Variants in SYNE2 observed in about 807,000 individuals in gnomAD.
The protein encoded by SYNE2 is spectrin repeat containing nuclear envelope protein 2.
Under a neutral mutation model 856.3 loss-of-function variants are expected in SYNE2, and 431 were observed. That is an observed-to-expected ratio of 0.50 (90% CI 0.47 to 0.55). SYNE2 has a LOEUF of 0.55. SYNE2 is among the 20% of genes least tolerant of loss of function. The probability of loss-of-function intolerance (pLI) is 0.00; values close to 1 mark genes in which losing one functional copy is unlikely to be tolerated. For synonymous variants in SYNE2, 2,923 were observed against 2,872.3 expected (o/e 1.02, Z -0.56); for missense variants, 8,129 against 8,023.2 (o/e 1.01, Z -0.50).
intron 65 of SYNE2, among the ~76,000 whole-genome samples, chr14:64,111,428 G>C (rs1213305047): frequency 6.6e-6 from 1 of 152,100 alleles, no homozygotes; most frequent in Non-Finnish European, 1.5e-5. Flanking sequence ...CTGAAAACTA[G>C]AAGGGAATTA....
At chr14:63,957,802 A>G (rs2096259547) in intron 8 of SYNE2, among the ~76,000 whole-genome samples, 1 of 151,996 alleles carries the variant, frequency 6.6e-6, no homozygotes, top group Non-Finnish European at 1.5e-5. Context: ...TGTCATGGTG[A>G]AGTTACTCTT....
At chr14:63,982,204 C>T (rs968785652) in intron 16 of SYNE2, among the ~76,000 whole-genome samples, 3 of 151,924 alleles carry the variant, frequency 2.0e-5, no homozygotes, top group Non-Finnish European at 2.9e-5. Flanking sequence ...AGGGACTCTC[C>T]GAAAAAATTA....
chr14:64,016,977 T>G (rs1289294976), intron 33 of SYNE2, among the ~76,000 whole-genome samples: 1 of 152,158 alleles, frequency 6.6e-6, no homozygotes, highest in Non-Finnish European at 1.5e-5. Flanking sequence ...TCATCTGCAT[T>G]ATATTTTCAT....
In SYNE2 at chr14:64,102,052, G is replaced by A; in HGVS notation, c.12492+10G>A. 6.3e-7 allele frequency: 1 copy of A among 1,597,292 alleles called. No homozygotes were observed. Among genetic ancestry groups the A allele is most frequent in the Non-Finnish European group, 8.6e-7 (1 of 1,164,788 alleles). On this transcript the variant is annotated intron_variant, in intron 64 of 115. Transcript: ENST00000555002. The stretch of plus-strand genomic sequence containing the variant: ...TGGAACAATTGTTCAGGTAATGCTG[G>A]GCGTATCAGCCACGCTTAGGGGTTA...
At chr14:63,874,276 A>G (rs1158118878) in intron 1 of SYNE2, among the ~76,000 whole-genome samples, 3 of 152,162 alleles carry the variant, frequency 2.0e-5, no homozygotes, top group Admixed American at 2.0e-4. Context: ...TACTTTTGGT[A>G]CTGGAGGTTG....
intron 8 of SYNE2, among the ~76,000 whole-genome samples, chr14:63,959,705 T>G (rs1198494662): frequency 6.6e-6 from 1 of 152,158 alleles, no homozygotes; most frequent in Admixed American, 6.5e-5. Context: ...CTTCCTTTTT[T>G]ACCTTCTTTT....
intron 1 of SYNE2, among the ~76,000 whole-genome samples, chr14:63,833,021 G>A (rs1320553188): frequency 1.3e-5 from 2 of 150,484 alleles, no homozygotes; most frequent in Non-Finnish European, 3.0e-5. Context: ...TATAGACCCT[G>A]TATAAAAAAA....
chr14:63,776,726 G>A (rs1004180629), intron 1 of SYNE2, among the ~76,000 whole-genome samples: 1 of 151,082 alleles, frequency 6.6e-6, no homozygotes, highest in Non-Finnish European at 1.5e-5. Flanking sequence ...CAGCCTCCCA[G>A]GTAGCTGAGA....
intron 58 of SYNE2, among the ~76,000 whole-genome samples, chr14:64,089,369 G>GAAAAAAA (rs57358817): frequency 5.9e-5 from 3 of 50,472 alleles, no homozygotes; most frequent in African/African-American, 8.0e-5. Flanking sequence ...TCCGTCTCAG[G>GAAAAAAA]AAAAAAAAAA....
intron 45 of SYNE2, among the ~76,000 whole-genome samples, chr14:64,045,290 C>T (rs1407337639): frequency 6.6e-6 from 1 of 152,142 alleles, no homozygotes; most frequent in African/African-American, 2.4e-5. Context: ...TAATGCTTTA[C>T]TGTTGTGTAA....
intron 1 of SYNE2, among the ~76,000 whole-genome samples, chr14:63,902,464 G>C (rs952658224): frequency 2.6e-5 from 4 of 150,952 alleles, no homozygotes; most frequent in African/African-American, 9.8e-5. Context: ...CTAAACCCTG[G>C]CTTTGTTACA....
At chr14:64,096,129 A>G (rs2097674904) in intron 61 of SYNE2, among the ~76,000 whole-genome samples, 1 of 152,240 alleles carries the variant, frequency 6.6e-6, no homozygotes, top group African/African-American at 2.4e-5. Flanking sequence ...TGTGAGAAAT[A>G]AATTTCTGTT....
chr14:63,923,151 GAA>G (rs1165811212), intron 2 of SYNE2, among the ~76,000 whole-genome samples: 1 of 152,240 alleles, frequency 6.6e-6, no homozygotes, highest in Non-Finnish European at 1.5e-5. Context: ...AGATGAATCA[GAA>G]GAGTGTGAGA....
intron 47 of SYNE2, among the ~76,000 whole-genome samples, chr14:64,050,425 T>G (rs975673244): frequency 3.3e-4 from 51 of 152,364 alleles, no homozygotes; most frequent in Admixed American, 2.2e-3. Flanking sequence ...TTTATATAAT[T>G]GAATATGTTT....
chr14:64,224,565 T>C lies in SYNE2; in HGVS notation c.20469+18T>C. On this transcript the variant is annotated intron_variant, in intron 114 of 115. Coordinates refer to ENST00000555002, the MANE Select transcript of SYNE2 (RefSeq NM_182914.3). ...GAGCAAAGGTAAGAAGCCCCTTCCT[T>C]CTGTGAGAACCTCACTGGTTATTTT... is the stretch of plus-strand genomic sequence containing the variant. The C allele has an allele frequency of 6.2e-7, 1 of 1,613,800 alleles. No homozygotes were observed. Among genetic ancestry groups the C allele is most frequent in the South Asian group, 1.1e-5 (1 of 91,066 alleles).
At chr14:63,915,621 C>T (rs534244794) in intron 2 of SYNE2, among the ~76,000 whole-genome samples, 148 of 152,262 alleles carry the variant, frequency 9.7e-4, no homozygotes, top group Admixed American at 2.0e-3. Flanking sequence ...ACCATCTGCA[C>T]GAACCTCTAT....
intron 85 of SYNE2, among the ~76,000 whole-genome samples, chr14:64,157,717 G>C (rs2098297237): frequency 6.6e-6 from 1 of 152,190 alleles, no homozygotes; most frequent in South Asian, 2.1e-4. Flanking sequence ...GAGGATTCCA[G>C]TTTTTCCACA....
At chr14:64,134,270 A>C in intron 78 of SYNE2, 70 bp downstream of exon 78, 1 of 1,524,684 alleles carries the variant, frequency 6.6e-7, no homozygotes, top group Non-Finnish European at 9.1e-7. Flanking sequence ...TGTTTTGACT[A>C]AGTGGCTTGA....
intron 45 of SYNE2, among the ~76,000 whole-genome samples, chr14:64,044,461 G>A (rs972913206): frequency 1.3e-5 from 2 of 152,140 alleles, no homozygotes; most frequent in African/African-American, 4.8e-5. Flanking sequence ...TGGACTTTTG[G>A]GTTAATATTG....
Sources: gnomAD v4.1 joint callset for allele counts (sites outside exome capture counted in the v4.1 genomes callset) on GRCh38, gnomAD v4.1.1 for gene constraint, MANE v1.5 for transcripts, NCBI Gene and HGNC (gene_info 2026-07-23, HGNC 2026-07-21) for gene names.